The following MYO18B variants were observed in gnomAD, a reference collection of about 807,000 sequenced individuals.
MYO18B encodes unconventional myosin-XVIIIb.
A neutral mutation model predicts 273.0 loss-of-function variants in MYO18B; 204 were observed. The observed-to-expected ratio is 0.75, with a 90% CI of 0.67 to 0.84. MYO18B has a LOEUF of 0.84. Ranked by LOEUF, MYO18B falls within the 40% of genes least tolerant of loss-of-function variation. MYO18B has a pLI of 0.00. For synonymous variants in MYO18B, 1,330 were observed against 1,305.7 expected, an observed-to-expected ratio of 1.02 and a Z score of -0.40; for missense variants, 3,212 against 3,287.6, an observed-to-expected ratio of 0.98 and a Z score of 0.56.
chr22:26,060,238 A>AGT, the MYO18B span, among the ~76,000 whole-genome samples: 1 of 152,224 alleles, frequency 6.6e-6, no homozygotes, highest in African/African-American at 2.4e-5. Flanking sequence ...GGCTGCTTTG[A>AGT]ACTACAACAG....
rs1256566514 is a variant in MYO18B, at chr22:25,895,255, C to G, written c.4643C>G (p.Thr1548Arg). 6.2e-7 allele frequency: 1 copy of G among 1,604,548 alleles called. No homozygotes were observed. The highest frequency in any genetic ancestry group is 1.3e-5 in the African/African-American group (1 of 74,900). Reference protein sequence around the residue: ...QCEERLDSELTARKELEQKLG... With the variant: ...QCEERLDSELRARKELEQKLG... ...GAGGAGAGGCTGGACTCGGAGCTGA[C>G]AGCCAGGAAAGAGCTGGAGCAAAAG... Residue 1548 changes from threonine (T) to arginine (R), a missense_variant, in exon 28 of 44, where the codon ACA becomes AGA. Thr to Arg is a moderately conservative substitution (Grantham distance 71). Coordinates refer to ENST00000335473, the MANE Select transcript of MYO18B (RefSeq NM_032608.7).
chr22:26,060,184 A>G, the MYO18B span, among the ~76,000 whole-genome samples: 1 of 152,228 alleles, frequency 6.6e-6, no homozygotes. Flanking sequence ...CCTTGTTTTT[A>G]TATAGTTTCA....
chr22:25,836,726 C>T (rs1003346746), intron 17 of MYO18B, among the ~76,000 whole-genome samples: 4 of 151,952 alleles, frequency 2.6e-5, no homozygotes, highest in South Asian at 2.1e-4. Context: ...TTTGGGAGGC[C>T]GAGGTGGGTG....
intron 40 of MYO18B, among the ~76,000 whole-genome samples, chr22:25,995,332 T>C (rs575127935): frequency 2.6e-5 from 4 of 152,300 alleles, no homozygotes; most frequent in Admixed American, 1.3e-4. Context: ...TGGTATTTAA[T>C]AGCACAGCAG....
chr22:25,980,482 C>A (rs1344729092), intron 39 of MYO18B, among the ~76,000 whole-genome samples: 3 of 152,230 alleles, frequency 2.0e-5, no homozygotes, highest in East Asian at 3.9e-4. Flanking sequence ...TCCATAGAGT[C>A]CCCTGCTTGG....
At chr22:25,955,757 C>A (rs1352610224) in intron 39 of MYO18B, among the ~76,000 whole-genome samples, 1 of 152,040 alleles carries the variant, frequency 6.6e-6, no homozygotes, top group Non-Finnish European at 1.5e-5. Flanking sequence ...ATTCTATAAT[C>A]CTCATGTCAG....
chr22:25,904,172 T>C (rs187947392), intron 31 of MYO18B, among the ~76,000 whole-genome samples: 11 of 152,356 alleles, frequency 7.2e-5, no homozygotes, highest in Admixed American at 3.3e-4. Flanking sequence ...GTTTGCTTTA[T>C]GCCTTTCTCT....
chr22:25,876,630 C>CTTTA (rs149628857), intron 24 of MYO18B, among the ~76,000 whole-genome samples: 2,708 of 149,664 alleles, frequency 0.018, 30 homozygotes, highest in African/African-American at 0.02. Flanking sequence ...TCTTTGAGTC[C>CTTTA]TTTATTTATT....
intron 1 of MYO18B, among the ~76,000 whole-genome samples, chr22:25,759,839 C>A (rs1426011873): frequency 2.0e-5 from 3 of 152,144 alleles, no homozygotes; most frequent in African/African-American, 4.8e-5. Context: ...TTGACATTCT[C>A]TAGTTATCGG....
rs1218265724 is a variant in MYO18B at position 26,022,275 on chromosome 22, A to T, written c.6471-4170A>T. ...TGGTCCTGTGAGGACAGCTAGAAAA[A>T]AAAAAAAAAGACTCTTACTGGTCCC... On this transcript the variant is annotated intron_variant, in intron 42 of 43. Coordinates refer to ENST00000335473, the MANE Select transcript of MYO18B (RefSeq NM_032608.7). Among the ~76,000 whole-genome samples the T allele has an allele frequency of 4.0e-5, 6 of 150,414 alleles. No individual in the cohort carries two copies. In the East Asian group the frequency reaches 1.2e-3, roughly 30 times the overall value.
chr22:26,017,962 GTTTTGTTTTTTTTTTTTT>G (rs1168438380), intron 42 of MYO18B, among the ~76,000 whole-genome samples: 1 of 117,568 alleles, frequency 8.5e-6, no homozygotes, highest in Non-Finnish European at 1.7e-5. Flanking sequence ...CAATTTTACT[GTTTTGTTTTTTTTTTTTT>G]TTTTTTTTTT....
downstream of MYO18B, among the ~76,000 whole-genome samples, chr22:26,034,202 A>T (rs2147048775): frequency 6.6e-6 from 1 of 152,290 alleles, no homozygotes; most frequent in South Asian, 2.1e-4. Flanking sequence ...TCCAGAAATT[A>T]TGCAGTGGGC....
At chr22:25,797,907 T>C (rs2087993697) in intron 11 of MYO18B, 46 bp from the exon 12 acceptor site, 1 of 1,613,656 alleles carries the variant, frequency 6.2e-7, no homozygotes, top group African/African-American at 1.3e-5. Context: ...TTGTGTTTTC[T>C]CCATCGCGAT....
chr22:25,798,352 G>A (rs928219831), intron 12 of MYO18B, among the ~76,000 whole-genome samples: 1 of 152,178 alleles, frequency 6.6e-6, no homozygotes, highest in Non-Finnish European at 1.5e-5. Flanking sequence ...GTTCAGTGCA[G>A]TAACCACTAG....
intron 21 of MYO18B, among the ~76,000 whole-genome samples, chr22:25,864,139 C>T (rs1033773187): frequency 6.6e-6 from 1 of 152,150 alleles, no homozygotes; most frequent in African/African-American, 2.4e-5. Flanking sequence ...GCTGCCTCAC[C>T]CTGGAAGAAC....
At chr22:26,037,866 C>G in the MYO18B span, among the ~76,000 whole-genome samples, 36 of 152,224 alleles carry the variant, frequency 2.4e-4, no homozygotes, top group Admixed American at 2.2e-3. Flanking sequence ...ATGTGGGCAT[C>G]ATGGCTCATG....
chr22:25,826,075 T>A (rs1405917120), intron 13 of MYO18B, among the ~76,000 whole-genome samples: 1 of 152,188 alleles, frequency 6.6e-6, no homozygotes, highest in African/African-American at 2.4e-5. Flanking sequence ...TGGGAAGTGC[T>A]ATTAGAAGCA....
intron 2 of MYO18B, among the ~76,000 whole-genome samples, chr22:25,761,403 G>T (rs950444079): frequency 6.6e-6 from 1 of 152,036 alleles, no homozygotes; most frequent in Admixed American, 6.5e-5. Flanking sequence ...GTGGTGGGGG[G>T]TGGTAGACCA....
intron 42 of MYO18B, among the ~76,000 whole-genome samples, chr22:26,022,660 T>C (rs1011566412): frequency 6.6e-6 from 1 of 152,180 alleles, no homozygotes; most frequent in East Asian, 1.9e-4. Context: ...ACTACGTGGC[T>C]TGTATTCCTG....
Sources: allele counts gnomAD v4.1 joint callset (sites outside exome capture counted in the v4.1 genomes callset), GRCh38; gene constraint gnomAD v4.1.1; transcripts MANE v1.5; gene names NCBI Gene and HGNC (gene_info 2026-07-23, HGNC 2026-07-21).